Variants in CREB3L2 observed in about 807,000 individuals in gnomAD.
CREB3L2 encodes the protein cyclic AMP-responsive element-binding protein 3-like protein 2.
Under a neutral mutation model 57.2 loss-of-function variants are expected in CREB3L2, and 23 were observed. That is an observed-to-expected ratio of 0.40 (90% CI 0.29 to 0.57). The LOEUF (loss-of-function observed/expected upper bound fraction) is 0.57, where lower values mean the gene tolerates loss of function less well. Among genes scored for constraint, CREB3L2 ranks in the 20% least tolerant of loss-of-function variants. CREB3L2 has a pLI of 0.42. For synonymous variants in CREB3L2, 268 were observed against 265.1 expected (o/e 1.01, Z -0.11); for missense variants, 628 against 634.7 (o/e 0.99, Z 0.11).
intron 2 of CREB3L2, among the ~76,000 whole-genome samples, chr7:137,920,068 G>T (rs1288762029): frequency 6.6e-6 from 1 of 152,164 alleles, no homozygotes; most frequent in African/African-American, 2.4e-5. Flanking sequence ...AGAAGCCCTT[G>T]ACTCAGTAAG....
chr7:137,950,715 C>T (rs1045221232), intron 1 of CREB3L2, among the ~76,000 whole-genome samples: 4 of 151,816 alleles, frequency 2.6e-5, no homozygotes, highest in African/African-American at 9.7e-5. Context: ...GAAACTGTGT[C>T]GTTGTAAGGT....
In CREB3L2 at chr7:137,928,257, G is replaced by A. The variant is rs376071481; in HGVS notation, c.212C>T (p.Thr71Met). 188 of 1,613,822 alleles carry A rather than the reference G, an allele frequency of 1.2e-4. 1 individual carries two copies. In the South Asian group the frequency reaches 1.5e-3, roughly 13 times the overall value. Reference protein sequence around the residue: ...SVSMEVEPSPTSPAPLIQAEH... With the variant: ...SVSMEVEPSPMSPAPLIQAEH... ...AGCCTGGATGAGAGGCGCCGGGGAC[G>A]TCGGGGAAGGTTCCACCTCCATTGA... The change falls in exon 2 of 12, where the codon ACG (threonine) becomes ATG (methionine). Residue 71 changes from threonine to methionine, a missense_variant. Thr to Met is a moderately conservative substitution (Grantham distance 81, BLOSUM62 -1). Transcript: ENST00000330387.
At chr7:137,933,302 G>A (rs781606063) in intron 1 of CREB3L2, among the ~76,000 whole-genome samples, 1 of 152,162 alleles carries the variant, frequency 6.6e-6, no homozygotes, top group African/African-American at 2.4e-5. Flanking sequence ...GTCAAGTCCC[G>A]ATCTGCTGTG....
chr7:137,889,174 G>A (rs1181993866), intron 8 of CREB3L2, among the ~76,000 whole-genome samples: 3 of 152,076 alleles, frequency 2.0e-5, no homozygotes, highest in South Asian at 4.1e-4. Flanking sequence ...CCTTCCCCTA[G>A]GATGAACAGT....
chr7:137,884,989 T>G lies in CREB3L2; in HGVS notation c.1270+6A>C, dbSNP rs371717015. 85 of 1,614,038 alleles carry G rather than the reference T, an allele frequency of 5.3e-5. No individual in the cohort carries two copies. The African/African-American group carries it at 1.0e-3, about 20-fold the overall frequency. On this transcript the variant is annotated splice_donor_region_variant and intron_variant, in intron 10 of 11. Coordinates refer to ENST00000330387, the MANE Select transcript of CREB3L2 (RefSeq NM_194071.4). ...ACCCTGCCCAACTTGCCACATGCTG[T>G]CTTACCCACGGAGGCTGTGTAGGGC...
chr7:137,905,254 A>C (rs1700517264), intron 6 of CREB3L2, among the ~76,000 whole-genome samples: 1 of 150,726 alleles, frequency 6.6e-6, no homozygotes, highest in Non-Finnish European at 1.5e-5. Flanking sequence ...TTAACCAAGC[A>C]CTTGCAATGT....
chr7:137,884,833 G>T, intron 10 of CREB3L2, 162 bp downstream of exon 10: 3 of 941,526 alleles, frequency 3.2e-6, no homozygotes, highest in Non-Finnish European at 3.4e-6. Flanking sequence ...GTGGATGAGG[G>T]GCCCCAGGGG....
chr7:137,893,074 GA>G (rs949846330), intron 8 of CREB3L2, among the ~76,000 whole-genome samples: 30 of 146,112 alleles, frequency 2.1e-4, no homozygotes, highest in African/African-American at 4.8e-4. Context: ...TGGCCTAAAT[GA>G]AAAAAAAAAG....
chr7:137,980,378 G>A lies in CREB3L2; in HGVS notation c.102+21226C>T, dbSNP rs1801692783. On this transcript the variant is annotated intron_variant, in intron 1 of 11. Coordinates refer to ENST00000330387, the MANE Select transcript of CREB3L2 (RefSeq NM_194071.4). This position sits in a 1 kb window ranked among gnomAD's most constrained non-coding sequence, Gnocchi z 4.3. ...GAGACTCTTTGCTCTAGACCGTGGG[G>A]ATGGGCAGAGCAGGAGCTTCATTGT... Among the ~76,000 whole-genome samples, 2 of 152,250 alleles carry A rather than the reference G, an allele frequency of 1.3e-5. No homozygotes were observed. The highest frequency in any genetic ancestry group is 6.5e-5 in the Admixed American group (1 of 15,292).
rs61449447 is a variant in CREB3L2 at position 137,946,868 on chromosome 7, A to G, written c.103-18502T>C. The stretch of plus-strand genomic sequence containing the variant: ...TCTATATAGTTATCTATATAGTTAT[A>G]TATATAGTTATCTATATAGTTATAT... On this transcript the variant is annotated intron_variant, in intron 1 of 11. Transcript: ENST00000330387. Among the ~76,000 whole-genome samples, 6 of 56,514 alleles carry G rather than the reference A, an allele frequency of 1.1e-4. 1 individual carries two copies. The highest frequency in any genetic ancestry group is 1.8e-4 in the Non-Finnish European group (6 of 33,220). The allele number at this position is 56,514 out of a possible 152,430, so 37.1% of individuals were successfully genotyped here.
chr7:137,901,953 G>A (rs1237274157), intron 7 of CREB3L2, among the ~76,000 whole-genome samples: 3 of 150,856 alleles, frequency 2.0e-5, no homozygotes, highest in Admixed American at 1.3e-4. Context: ...CAGTAATTTG[G>A]GAGGCTGAGG....
intron 10 of CREB3L2, 147 bp downstream of exon 10, chr7:137,884,848 C>T (rs1055806510): frequency 8.7e-6 from 10 of 1,144,738 alleles, no homozygotes; most frequent in Non-Finnish European, 1.3e-5. Flanking sequence ...CAGGGGAACC[C>T]CCACTTGCCT....
chr7:137,914,731 T>C (rs1800089712), intron 3 of CREB3L2, among the ~76,000 whole-genome samples: 1 of 152,152 alleles, frequency 6.6e-6, no homozygotes. Context: ...AGGTAGCTAC[T>C]GAGAAAGGAA....
intron 1 of CREB3L2, among the ~76,000 whole-genome samples, chr7:137,954,642 A>G (rs1366341857): frequency 6.6e-6 from 1 of 152,186 alleles, no homozygotes; most frequent in African/African-American, 2.4e-5. Context: ...CAAACTCCCC[A>G]GGTCCACCAC....
chr7:137,908,150 G>T, intron 5 of CREB3L2, 102 bp downstream of exon 5: 1 of 873,914 alleles, frequency 1.1e-6, no homozygotes, highest in Non-Finnish European at 1.5e-6. Flanking sequence ...CTTGACAAAA[G>T]TAAAAACCAA....
intron 1 of CREB3L2, among the ~76,000 whole-genome samples, chr7:137,996,643 G>A (rs2117335270): frequency 6.6e-6 from 1 of 152,320 alleles, no homozygotes; most frequent in South Asian, 2.1e-4. Context: ...TGTGAGATCA[G>A]CCAACTCCTT....
At chr7:137,983,247 T>A (rs1020842479) in intron 1 of CREB3L2, among the ~76,000 whole-genome samples, 1 of 152,128 alleles carries the variant, frequency 6.6e-6, no homozygotes, top group African/African-American at 2.4e-5. Flanking sequence ...TCCAGAGGAC[T>A]ATCTACCACA....
Position 138,002,026 on chromosome 7 carries a change from G to A in CREB3L2, c.-321C>T. The A allele has an allele frequency of 3.0e-6, 1 of 330,940 alleles. No individual in the cohort carries two copies. The highest frequency in any genetic ancestry group is 5.6e-6 in the Non-Finnish European group (1 of 178,892). 20.5% of individuals were successfully genotyped at this position (330,940 alleles called of 1,614,324 possible). A position where few individuals can be genotyped will look rare whatever the true frequency, so the allele number is the denominator to read the frequency against. The stretch of plus-strand genomic sequence containing the variant: ...TCCCAGGAAAATCCCTTAGCCGCAA[G>A]CCCACTTGCCGCTACGGCTCCAGAC... On this transcript the variant is annotated 5_prime_UTR_variant, in exon 1 of 12. Coordinates refer to ENST00000330387, the MANE Select transcript of CREB3L2 (RefSeq NM_194071.4).
intron 8 of CREB3L2, among the ~76,000 whole-genome samples, chr7:137,892,687 T>C (rs919546161): frequency 6.6e-6 from 1 of 152,004 alleles, no homozygotes; most frequent in African/African-American, 2.4e-5. Context: ...GGTGACCTCA[T>C]GATGGAAGAG....
Sources: allele counts gnomAD v4.1 joint callset (sites outside exome capture counted in the v4.1 genomes callset), GRCh38; gene constraint gnomAD v4.1.1; non-coding constraint Gnocchi (gnomAD v3.1); transcripts MANE v1.5; gene names NCBI Gene and HGNC (gene_info 2026-07-23, HGNC 2026-07-21).